The following ROCK2 variants were observed in gnomAD, a reference collection of about 807,000 sequenced individuals.
ROCK2 encodes rho-associated protein kinase 2.
ROCK2 carries 61 observed loss-of-function variants against 195.1 expected under a neutral mutation model. The observed-to-expected ratio is 0.31, with a 90% CI of 0.25 to 0.39. ROCK2 has a LOEUF of 0.39. Among genes scored for constraint, ROCK2 ranks in the 10% least tolerant of loss-of-function variants. The pLI, the probability that ROCK2 is intolerant of heterozygous loss-of-function variation, is 1.00. For missense variants in ROCK2, 1,109 were observed against 1,637.4 expected, an observed-to-expected ratio of 0.68 and a Z score of 5.57; for synonymous variants, 504 against 545.5, an observed-to-expected ratio of 0.92 and a Z score of 1.06.
intron 30 of ROCK2, among the ~76,000 whole-genome samples, chr2:11,193,304 A>G (rs1445041329): frequency 6.6e-6 from 1 of 152,198 alleles, no homozygotes; most frequent in Non-Finnish European, 1.5e-5. Context: ...GAAGGAAATC[A>G]GTAAGTCATT....
chr2:11,317,985 AC>A (rs1290641113), intron 1 of ROCK2, among the ~76,000 whole-genome samples: 1 of 151,532 alleles, frequency 6.6e-6, no homozygotes, highest in African/African-American at 2.4e-5. Flanking sequence ...ATAAAAGTAT[AC>A]CACATTTTCT....
chr2:11,289,072 TAA>T (rs1667285108), intron 1 of ROCK2, among the ~76,000 whole-genome samples: 1 of 152,308 alleles, frequency 6.6e-6, no homozygotes, highest in South Asian at 2.1e-4. Context: ...GCAAAGGTGT[TAA>T]GAGTAAACTA....
At chr2:11,298,789 A>G (rs988285279) in intron 1 of ROCK2, among the ~76,000 whole-genome samples, 1 of 152,180 alleles carries the variant, frequency 6.6e-6, no homozygotes, top group Non-Finnish European at 1.5e-5. Flanking sequence ...ACCCTTAAAA[A>G]CAAGTCAGCA....
At chr2:11,312,372 CACTATAATGAACATAGCCA>C (rs1668063452) in intron 1 of ROCK2, among the ~76,000 whole-genome samples, 1 of 152,074 alleles carries the variant, frequency 6.6e-6, no homozygotes, top group Admixed American at 6.6e-5. Flanking sequence ...TCACCACAGT[CACTATAATGAACATAGCCA>C]TCAACCCACA....
intron 8 of ROCK2, 124 bp from the exon 9 acceptor site, chr2:11,221,481 AT>A: frequency 1.7e-6 from 1 of 603,614 alleles, no homozygotes; most frequent in Non-Finnish European, 2.5e-6. Context: ...CGCATTTGCC[AT>A]TTTATCGATT....
chr2:11,295,648 A>G (rs1005822516), intron 1 of ROCK2, among the ~76,000 whole-genome samples: 1 of 152,172 alleles, frequency 6.6e-6, no homozygotes, highest in Non-Finnish European at 1.5e-5. Flanking sequence ...CAGATACTCC[A>G]GGGAAGACCA....
chr2:11,310,483 C>A (rs1667997524), intron 1 of ROCK2, among the ~76,000 whole-genome samples: 1 of 152,124 alleles, frequency 6.6e-6, no homozygotes, highest in South Asian at 2.1e-4. Context: ...TCCTGGCGTA[C>A]ACAACTCATT....
At chr2:11,242,919 A>T (rs1665479111) in intron 4 of ROCK2, among the ~76,000 whole-genome samples, 1 of 151,658 alleles carries the variant, frequency 6.6e-6, no homozygotes, top group South Asian at 2.1e-4. Context: ...CAGCTGGAGA[A>T]CTCTCTCTCT....
intron 4 of ROCK2, among the ~76,000 whole-genome samples, chr2:11,242,088 T>C (rs1665446497): frequency 6.6e-6 from 1 of 152,218 alleles, no homozygotes; most frequent in Non-Finnish European, 1.5e-5. Context: ...GACTTTGATC[T>C]TGGACTTCCC....
rs760975518 is a variant in ROCK2 at position 11,227,421 on chromosome 2, GA to G, written c.724-24del. On this transcript the variant is annotated intron_variant, in intron 5 of 32. Coordinates refer to ENST00000315872, the MANE Select transcript of ROCK2 (RefSeq NM_004850.5). ...TGTCTGCATGAACAGGAGAGATAAA[GA>G]AAAAACAGTTCAGTGTAAAAACACA... is the stretch of plus-strand genomic sequence containing the variant. 23 of 1,589,094 alleles carry G rather than the reference GA, an allele frequency of 1.4e-5. No homozygotes were observed. The Admixed American group carries it at 3.7e-4, about 25-fold the overall frequency.
At chr2:11,338,583 G>A (rs571290477) in intron 1 of ROCK2, among the ~76,000 whole-genome samples, 94 of 152,196 alleles carry the variant, frequency 6.2e-4, no homozygotes, top group African/African-American at 2.1e-3. Context: ...ACTGTGCGTC[G>A]TCGGATTTTG....
At chr2:11,217,641 G>C (rs749803438) in intron 11 of ROCK2, 32 of 199,018 alleles carry the variant, frequency 1.6e-4, no homozygotes, top group Non-Finnish European at 2.5e-4. Flanking sequence ...TTCCTATGTA[G>C]TGCTGGTCAT....
intron 7 of ROCK2, 120 bp from the exon 8 acceptor site, chr2:11,222,294 G>T (rs1176753006): frequency 6.8e-6 from 4 of 584,078 alleles, no homozygotes; most frequent in Non-Finnish European, 8.9e-6. Context: ...TGTATTAAAA[G>T]CTTCAGCTTA....
intron 32 of ROCK2, among the ~76,000 whole-genome samples, chr2:11,191,655 A>AT (rs888894213): frequency 9.0e-4 from 137 of 152,236 alleles, no homozygotes; most frequent in African/African-American, 3.2e-3. Flanking sequence ...AAGTGCTTAT[A>AT]AAAGCTGAAA....
At chr2:11,275,076 G>A (rs1666777190) in intron 3 of ROCK2, among the ~76,000 whole-genome samples, 2 of 151,648 alleles carry the variant, frequency 1.3e-5, no homozygotes, top group African/African-American at 4.9e-5. Context: ...GGCCAACATG[G>A]TGAATCCCCA....
intron 3 of ROCK2, among the ~76,000 whole-genome samples, chr2:11,255,216 C>CAAA (rs70953375): frequency 2.1e-4 from 23 of 109,178 alleles, no homozygotes; most frequent in African/African-American, 8.5e-4. Flanking sequence ...GACCCCATCT[C>CAAA]AAAAAAAAAA....
chr2:11,294,029 C>A (rs578207679), intron 1 of ROCK2, among the ~76,000 whole-genome samples: 1 of 151,938 alleles, frequency 6.6e-6, no homozygotes, highest in African/African-American at 2.4e-5. Context: ...TGGTGGCGGG[C>A]GCCTGTAGTC....
At chr2:11,240,721 C>A (rs1271374871) in intron 4 of ROCK2, among the ~76,000 whole-genome samples, 1 of 152,202 alleles carries the variant, frequency 6.6e-6, no homozygotes, top group Non-Finnish European at 1.5e-5. Context: ...TTTCCTAAAA[C>A]TCACTAAAGC....
chr2:11,282,043 G>A (rs1184570086), intron 3 of ROCK2, among the ~76,000 whole-genome samples: 1 of 152,114 alleles, frequency 6.6e-6, no homozygotes, highest in Non-Finnish European at 1.5e-5. Flanking sequence ...AAAAGACCCA[G>A]AATAGCCAAC....
Sources: gnomAD v4.1 joint callset for allele counts (sites outside exome capture counted in the v4.1 genomes callset) on GRCh38, gnomAD v4.1.1 for gene constraint, MANE v1.5 for transcripts, NCBI Gene and HGNC (gene_info 2026-07-23, HGNC 2026-07-21) for gene names.